The following LRRC4C variants were observed in gnomAD, a reference collection of about 807,000 sequenced individuals.
The protein encoded by LRRC4C is leucine rich repeat containing 4C.
A neutral mutation model predicts 33.6 loss-of-function variants in LRRC4C; 5 were observed. The observed-to-expected ratio is 0.15, with a 90% confidence interval of 0.08 to 0.31. The LOEUF (loss-of-function observed/expected upper bound fraction) is 0.31, where lower values mean the gene tolerates loss of function less well. Ranked by LOEUF, LRRC4C falls within the 10% of genes least tolerant of loss-of-function variation. The pLI is 1.00. For missense variants in LRRC4C, 560 were observed against 796.7 expected (o/e 0.70, Z 3.58); for synonymous variants, 329 against 302.0 (o/e 1.09, Z -0.93).
At chr11:41,152,063 G>A (rs1023631618) in intron 1 of LRRC4C, among the ~76,000 whole-genome samples, 1 of 152,034 alleles carries the variant, frequency 6.6e-6, no homozygotes, top group Non-Finnish European at 1.5e-5. Context: ...GAACTCCCTT[G>A]TTCTCTGTTC....
At chr11:40,275,451 A>G (rs1470982685) in intron 4 of LRRC4C, among the ~76,000 whole-genome samples, 1 of 152,156 alleles carries the variant, frequency 6.6e-6, no homozygotes, top group African/African-American at 2.4e-5. Flanking sequence ...TCCATACTAC[A>G]GAACATAAAA....
chr11:40,920,530 A>G (rs1957128531), intron 2 of LRRC4C, among the ~76,000 whole-genome samples: 1 of 152,182 alleles, frequency 6.6e-6, no homozygotes, highest in African/African-American at 2.4e-5. Flanking sequence ...TAAATATAAG[A>G]CATTTTCTAT....
intron 1 of LRRC4C, among the ~76,000 whole-genome samples, chr11:41,096,385 CA>C (rs140414316): frequency 0.011 from 1,708 of 152,154 alleles, 28 homozygotes; most frequent in African/African-American, 0.039. Flanking sequence ...AATTCAGAAG[CA>C]GACACAAAGA....
At chr11:40,917,619 C>T (rs1183477825) in intron 2 of LRRC4C, among the ~76,000 whole-genome samples, 1 of 152,094 alleles carries the variant, frequency 6.6e-6, no homozygotes, top group African/African-American at 2.4e-5. Flanking sequence ...AGTCCCAACC[C>T]AGCTCTGCCA....
intron 1 of LRRC4C, among the ~76,000 whole-genome samples, chr11:41,161,865 G>A (rs1026395789): frequency 6.6e-6 from 1 of 152,152 alleles, no homozygotes; most frequent in Admixed American, 6.6e-5. Flanking sequence ...TTCTAGAGAG[G>A]TAATGAGTAA....
intron 1 of LRRC4C, among the ~76,000 whole-genome samples, chr11:41,133,603 C>T (rs761619332): frequency 6.6e-6 from 1 of 151,728 alleles, no homozygotes; most frequent in Non-Finnish European, 1.5e-5. Flanking sequence ...ATTATACTCC[C>T]TCCACTTTAG....
intron 1 of LRRC4C, among the ~76,000 whole-genome samples, chr11:41,123,777 C>T (rs1456391720): frequency 2.0e-5 from 3 of 152,120 alleles, no homozygotes; most frequent in Non-Finnish European, 4.4e-5. Flanking sequence ...CCTATAATTG[C>T]ACTCAATATT....
chr11:41,168,522 T>C (rs974798482), intron 1 of LRRC4C, among the ~76,000 whole-genome samples: 1 of 152,180 alleles, frequency 6.6e-6, no homozygotes, highest in African/African-American at 2.4e-5. Context: ...AATCTGTACT[T>C]AATGATAACT....
At chr11:40,748,304 T>A (rs765946240) in intron 2 of LRRC4C, among the ~76,000 whole-genome samples, 2 of 152,086 alleles carry the variant, frequency 1.3e-5, no homozygotes, top group Non-Finnish European at 1.5e-5. Flanking sequence ...ACACTATATG[T>A]AGCAAAATTA....
intron 6 of LRRC4C, among the ~76,000 whole-genome samples, chr11:40,139,143 GA>G (rs1024812301): frequency 6.6e-6 from 1 of 152,172 alleles, no homozygotes; most frequent in African/African-American, 2.4e-5. Flanking sequence ...GAACTGAGGG[GA>G]AAAGAGTTTC....
intron 1 of LRRC4C, among the ~76,000 whole-genome samples, chr11:41,074,274 T>C (rs1402110165): frequency 6.6e-6 from 1 of 152,208 alleles, no homozygotes; most frequent in East Asian, 1.9e-4. Flanking sequence ...GATAGATTTA[T>C]ACTTTATATG....
intron 1 of LRRC4C, among the ~76,000 whole-genome samples, chr11:40,981,286 C>T (rs772107462): frequency 3.9e-5 from 6 of 152,088 alleles, no homozygotes; most frequent in African/African-American, 4.8e-5. Context: ...TGGTGGTGTG[C>T]GCCTGTAGTC....
At chr11:40,290,886 C>T (rs1462301181) in intron 4 of LRRC4C, among the ~76,000 whole-genome samples, 1 of 152,038 alleles carries the variant, frequency 6.6e-6, no homozygotes, top group Non-Finnish European at 1.5e-5. Flanking sequence ...GACCAATGTG[C>T]CTTCCTTTGA....
At chr11:40,654,162 A>G (rs750937261) in intron 2 of LRRC4C, among the ~76,000 whole-genome samples, 1 of 152,184 alleles carries the variant, frequency 6.6e-6, no homozygotes, top group Non-Finnish European at 1.5e-5. Context: ...TGGATGGGAA[A>G]TGTGGGATTG....
chr11:40,114,285 A>T lies in LRRC4C; in HGVS notation c.*85T>A. 6 of 1,359,416 alleles carry T rather than the reference A, an allele frequency of 4.4e-6. No individual in the cohort carries two copies. The highest frequency in any genetic ancestry group is 5.9e-6 in the Non-Finnish European group (6 of 1,020,566). 84.2% of individuals were successfully genotyped at this position (1,359,416 alleles called of 1,614,324 possible). A position where few individuals can be genotyped will look rare whatever the true frequency, so the allele number is the denominator to read the frequency against. On this transcript the variant is annotated 3_prime_UTR_variant, in exon 7 of 7. Coordinates refer to ENST00000528697, the MANE Select transcript of LRRC4C (RefSeq NM_001258419.2). The stretch of plus-strand genomic sequence containing the variant: ...TTTTGTAAAGACACTTTTTTGAAAC[A>T]GTAGATTTAGCCCAGTCATTTGTGT...
intron 3 of LRRC4C, among the ~76,000 whole-genome samples, chr11:40,507,238 T>C (rs921147580): frequency 6.6e-6 from 1 of 152,048 alleles, no homozygotes; most frequent in Admixed American, 6.6e-5. Context: ...ATATAACATA[T>C]GATTAGACAA....
chr11:41,251,818 A>C (rs1260712270), intron 1 of LRRC4C, among the ~76,000 whole-genome samples: 5 of 152,220 alleles, frequency 3.3e-5, no homozygotes, highest in Admixed American at 3.3e-4. Context: ...GAGCATTTGA[A>C]TAAATATTGT....
chr11:40,439,065 G>T (rs1951271454), intron 3 of LRRC4C, among the ~76,000 whole-genome samples: 1 of 149,496 alleles, frequency 6.7e-6, no homozygotes. Context: ...CTAGTAGCTG[G>T]GTCTACAGGC....
At chr11:40,477,192 A>T (rs1268703099) in intron 3 of LRRC4C, among the ~76,000 whole-genome samples, 5 of 152,158 alleles carry the variant, frequency 3.3e-5, no homozygotes, top group African/African-American at 1.2e-4. Flanking sequence ...GGCCCCTTTT[A>T]GATTTGATTT....
Sources: gnomAD v4.1 joint callset for allele counts (sites outside exome capture counted in the v4.1 genomes callset) on GRCh38, gnomAD v4.1.1 for gene constraint, MANE v1.5 for transcripts, NCBI Gene and HGNC (gene_info 2026-07-23, HGNC 2026-07-21) for gene names.